HDAC9: variants seen among roughly 807,000 people sequenced by gnomAD.
HDAC9 encodes histone deacetylase 9.
HDAC9 carries 41 observed loss-of-function variants against 139.4 expected under a neutral mutation model. That is an observed-to-expected ratio of 0.29 (90% CI 0.23 to 0.38). The LOEUF (loss-of-function observed/expected upper bound fraction) is 0.38, where lower values mean the gene tolerates loss of function less well. Ranked by LOEUF, HDAC9 falls within the 10% of genes least tolerant of loss-of-function variation. HDAC9 has a pLI of 1.00. For missense variants in HDAC9, 1,147 were observed against 1,297.0 expected, an observed-to-expected ratio of 0.88 and a Z score of 1.78; for synonymous variants, 517 against 476.2, an observed-to-expected ratio of 1.09 and a Z score of -1.12.
At chr7:18,507,614 C>T (rs2128176115) in intron 2 of HDAC9, among the ~76,000 whole-genome samples, 1 of 152,236 alleles carries the variant, frequency 6.6e-6, no homozygotes, top group African/African-American at 2.4e-5. Context: ...GCCTCAGCCT[C>T]CTGAGTAGCT....
intron 24 of HDAC9, among the ~76,000 whole-genome samples, chr7:18,971,458 T>C (rs1563095921): frequency 6.6e-6 from 1 of 152,222 alleles, no homozygotes; most frequent in African/African-American, 2.4e-5. Flanking sequence ...ATTTCTCGTA[T>C]GTGATAATGG....
At chr7:18,236,328 G>A (rs535541814) in intron 2 of HDAC9, among the ~76,000 whole-genome samples, 1 of 152,242 alleles carries the variant, frequency 6.6e-6, no homozygotes, top group African/African-American at 2.4e-5. Context: ...TTTGAGAAGA[G>A]CCCTATATCA....
At chr7:18,532,256 CA>C (rs1563172166) in intron 2 of HDAC9, among the ~76,000 whole-genome samples, 1 of 151,958 alleles carries the variant, frequency 6.6e-6, no homozygotes. Flanking sequence ...ACAACAACAA[CA>C]AAAAACCAAA....
chr7:18,329,029 T>G (rs574636864), intron 1 of HDAC9, among the ~76,000 whole-genome samples: 4 of 151,966 alleles, frequency 2.6e-5, no homozygotes, highest in African/African-American at 9.6e-5. Flanking sequence ...CCTGGTTCAG[T>G]CTTGGTAGGT....
chr7:18,920,645 C>T (rs1367346493), intron 22 of HDAC9, among the ~76,000 whole-genome samples: 1 of 152,028 alleles, frequency 6.6e-6, no homozygotes, highest in Non-Finnish European at 1.5e-5. Flanking sequence ...ATAGATAGCT[C>T]TTATTATTTT....
At chr7:18,421,953 C>T in intron 1 of HDAC9, among the ~76,000 whole-genome samples, 1 of 152,156 alleles carries the variant, frequency 6.6e-6, no homozygotes, top group East Asian at 1.9e-4. Context: ...CGGGCTTGAT[C>T]ATGTTTTTCT....
At chr7:18,398,564 G>A (rs1383235594) in intron 1 of HDAC9, among the ~76,000 whole-genome samples, 1 of 151,992 alleles carries the variant, frequency 6.6e-6, no homozygotes, top group African/African-American at 2.4e-5. Flanking sequence ...TAGTTCCTTA[G>A]ATTGGACAAG....
rs573870507 is a variant in HDAC9, at chr7:18,853,976, A to C, written c.2684+17979A>C. Among the ~76,000 whole-genome samples, 42 of 152,286 alleles carry C rather than the reference A, an allele frequency of 2.8e-4. No homozygotes were observed. In the South Asian group the frequency reaches 8.1e-3, roughly 29 times the overall value. On this transcript the variant is annotated intron_variant, in intron 21 of 25. Coordinates refer to ENST00000686413, the MANE Select transcript of HDAC9 (RefSeq NM_178425.4). ...TGACTGTAATATTTAGTAAAAGTGGAATTAGCCAAGGAAAATGTAGTTCAC... is the reference window on the plus strand; with the variant it reads ...TGACTGTAATATTTAGTAAAAGTGGCATTAGCCAAGGAAAATGTAGTTCAC...
intron 22 of HDAC9, among the ~76,000 whole-genome samples, chr7:18,883,570 A>AT (rs1295955998): frequency 6.6e-6 from 1 of 152,180 alleles, no homozygotes; most frequent in African/African-American, 2.4e-5. Context: ...TGATAAGGCT[A>AT]TAAATACATC....
chr7:18,253,396 C>T (rs1179057122), intron 2 of HDAC9, among the ~76,000 whole-genome samples: 1 of 152,158 alleles, frequency 6.6e-6, no homozygotes, highest in East Asian at 1.9e-4. Flanking sequence ...CCTTTTTCTC[C>T]AAAACGTTGC....
chr7:18,437,996 CTT>C (rs1169462747), intron 1 of HDAC9, among the ~76,000 whole-genome samples: 1 of 151,462 alleles, frequency 6.6e-6, no homozygotes, highest in Non-Finnish European at 1.5e-5. Context: ...ATATCACTGT[CTT>C]TTCACTTGGC....
intron 2 of HDAC9, among the ~76,000 whole-genome samples, chr7:18,209,427 A>G (rs1054710292): frequency 1.3e-5 from 2 of 152,166 alleles, no homozygotes; most frequent in African/African-American, 4.8e-5. Flanking sequence ...TTCTATAGCC[A>G]TATCTCTTGC....
chr7:18,292,008 G>T (rs938040618), intron 1 of HDAC9, among the ~76,000 whole-genome samples: 12 of 152,070 alleles, frequency 7.9e-5, no homozygotes, highest in African/African-American at 2.9e-4. Context: ...AGGTCTTCCA[G>T]GGCTGCAAGT....
intron 1 of HDAC9, among the ~76,000 whole-genome samples, chr7:18,098,768 G>A (rs1006901480): frequency 6.6e-6 from 1 of 152,078 alleles, no homozygotes; most frequent in Non-Finnish European, 1.5e-5. Context: ...TCATTGAGTG[G>A]ACTTGTAGAT....
intron 1 of HDAC9, among the ~76,000 whole-genome samples, chr7:18,345,944 G>A (rs1411539157): frequency 6.6e-6 from 1 of 152,036 alleles, no homozygotes; most frequent in Non-Finnish European, 1.5e-5. Flanking sequence ...GTACATTTAT[G>A]TTCCAAACAC....
intron 11 of HDAC9, among the ~76,000 whole-genome samples, chr7:18,665,752 A>G (rs914261565): frequency 5.3e-5 from 8 of 151,850 alleles, no homozygotes; most frequent in African/African-American, 1.9e-4. Flanking sequence ...GACAAAGACT[A>G]TTAGCATTTG....
At chr7:18,376,272 C>T (rs1445534593) in intron 1 of HDAC9, among the ~76,000 whole-genome samples, 1 of 152,148 alleles carries the variant, frequency 6.6e-6, no homozygotes, top group Admixed American at 6.5e-5. Flanking sequence ...TAAATTCAAT[C>T]TAGAAGTAGA....
intron 21 of HDAC9, among the ~76,000 whole-genome samples, chr7:18,869,373 T>A: frequency 6.6e-6 from 1 of 152,032 alleles, no homozygotes; most frequent in Admixed American, 6.6e-5. Context: ...AGAGTTCTCA[T>A]GAAATCTGGT....
chr7:18,272,822 A>G (rs1209114944), intron 2 of HDAC9, among the ~76,000 whole-genome samples: 5 of 152,012 alleles, frequency 3.3e-5, no homozygotes, highest in Non-Finnish European at 5.9e-5. Context: ...TCTCAGATTT[A>G]TCTGGAAGAG....
Sources: allele counts gnomAD v4.1 joint callset (sites outside exome capture counted in the v4.1 genomes callset), GRCh38; gene constraint gnomAD v4.1.1; transcripts MANE v1.5; gene names NCBI Gene and HGNC (gene_info 2026-07-23, HGNC 2026-07-21).